The following FAF1 variants were observed in gnomAD, a reference collection of about 807,000 sequenced individuals.
The protein encoded by FAF1 is FAS-associated factor 1.
Under a neutral mutation model 92.5 loss-of-function variants are expected in FAF1, and 25 were observed. The ratio of observed to expected loss-of-function variants is 0.27; its 90% CI spans 0.20 to 0.38. FAF1 has a LOEUF of 0.38. Among genes scored for constraint, FAF1 ranks in the 10% least tolerant of loss-of-function variants. The pLI is 1.00. For missense variants in FAF1, 636 were observed against 793.3 expected (o/e 0.80, Z 2.38); for synonymous variants, 234 against 273.2 (o/e 0.86, Z 1.42).
chr1:50,861,776 A>G (rs536507659), intron 1 of FAF1, among the ~76,000 whole-genome samples: 1 of 152,012 alleles, frequency 6.6e-6, no homozygotes, highest in South Asian at 2.1e-4. Flanking sequence ...CAAGCTTGAA[A>G]GACTAGAAAG....
intron 3 of FAF1, among the ~76,000 whole-genome samples, chr1:50,798,331 A>G (rs1661842590): frequency 6.6e-6 from 1 of 152,250 alleles, no homozygotes; most frequent in African/African-American, 2.4e-5. Context: ...TAATAAAACA[A>G]ATATGAGTTA....
chr1:50,490,690 A>G (rs766503340), intron 16 of FAF1, 25 bp from the exon 17 acceptor site: 2 of 1,414,334 alleles, frequency 1.4e-6, no homozygotes, highest in East Asian at 2.3e-5. Context: ...GAAAAGGAAC[A>G]AGCACTTAAC....
In FAF1 at chr1:50,681,674, A is replaced by ATTT. The variant is rs1211289812; in HGVS notation, c.657+24109_657+24111dup. The stretch of plus-strand genomic sequence containing the variant: ...AGGCATGTGCCAGCCTGTAATCCCT[A>ATTT]TTTTTTTTTTTTTTTGTATTTTTAG... On this transcript the variant is annotated intron_variant, in intron 7 of 18. Transcript: ENST00000396153. Among the ~76,000 whole-genome samples, 981 of 131,974 alleles carry ATTT rather than the reference A, an allele frequency of 7.4e-3. 12 individuals are homozygous for ATTT. Among genetic ancestry groups the ATTT allele is most frequent in the African/African-American group, 0.026 (944 of 36,220 alleles). The allele number at this position is 131,974 out of a possible 152,430, so 86.6% of individuals were successfully genotyped here.
At chr1:50,585,796 A>T (rs1230282957) in intron 9 of FAF1, among the ~76,000 whole-genome samples, 1 of 151,920 alleles carries the variant, frequency 6.6e-6, no homozygotes, top group Non-Finnish European at 1.5e-5. Context: ...TATAACATAA[A>T]TATTTTGCCA....
chr1:50,746,369 T>A (rs1311841238), intron 4 of FAF1, among the ~76,000 whole-genome samples: 1 of 140,004 alleles, frequency 7.1e-6, no homozygotes, highest in Non-Finnish European at 1.5e-5. Context: ...GACGGCGTGA[T>A]CTCTGCTCAC....
chr1:50,605,017 C>CTAT (rs1652310880), intron 8 of FAF1, among the ~76,000 whole-genome samples: 1 of 152,152 alleles, frequency 6.6e-6, no homozygotes, highest in Non-Finnish European at 1.5e-5. Context: ...TCACCTGATG[C>CTAT]TATTTTCCAC....
intron 2 of FAF1, among the ~76,000 whole-genome samples, chr1:50,845,992 G>T (rs989984984): frequency 1.3e-5 from 2 of 151,710 alleles, no homozygotes; most frequent in Non-Finnish European, 2.9e-5. Context: ...GGCGTGGTGG[G>T]GCACGCCTGT....
intron 2 of FAF1, among the ~76,000 whole-genome samples, chr1:50,838,121 G>C (rs1644225405): frequency 1.3e-5 from 2 of 151,972 alleles, no homozygotes; most frequent in Non-Finnish European, 2.9e-5. Flanking sequence ...AAATCATAAA[G>C]GCATGCACAG....
At chr1:50,620,624 C>T (rs956085896) in intron 8 of FAF1, among the ~76,000 whole-genome samples, 2 of 152,208 alleles carry the variant, frequency 1.3e-5, no homozygotes, top group African/African-American at 2.4e-5. Context: ...TAAGGGGACA[C>T]TGGCTTTTTC....
intron 15 of FAF1, among the ~76,000 whole-genome samples, chr1:50,507,024 C>T (rs564335965): frequency 1.5e-4 from 23 of 152,310 alleles, no homozygotes; most frequent in African/African-American, 5.5e-4. Flanking sequence ...GGGAAAATAG[C>T]TCTACCGAGG....
chr1:50,631,295 T>C (rs1191042937), intron 8 of FAF1, among the ~76,000 whole-genome samples: 1 of 152,212 alleles, frequency 6.6e-6, no homozygotes, highest in African/African-American at 2.4e-5. Flanking sequence ...ATGTTTTAAA[T>C]TGCATGCCAT....
chr1:50,617,700 T>G lies in FAF1; in HGVS notation c.745-21484A>C, dbSNP rs1009491494. Among the ~76,000 whole-genome samples the G allele has an allele frequency of 1.3e-4, 19 of 151,522 alleles. No homozygotes were observed. In the East Asian group the frequency reaches 1.5e-3, roughly 12 times the overall value. ...AGGAGTCCCTCCTCTTCTGTTTTTT[T>G]TTTTTTTTTTTTAATAATTTCAGTA... On this transcript the variant is annotated intron_variant, in intron 8 of 18. Coordinates refer to ENST00000396153, the MANE Select transcript of FAF1 (RefSeq NM_007051.3).
chr1:50,930,694 G>A (rs1415002178), intron 1 of FAF1, among the ~76,000 whole-genome samples: 1 of 152,110 alleles, frequency 6.6e-6, no homozygotes, highest in Non-Finnish European at 1.5e-5. Context: ...AATTAGCCAG[G>A]CATGGTGGCG....
intron 2 of FAF1, among the ~76,000 whole-genome samples, chr1:50,853,974 G>A (rs925909486): frequency 6.6e-6 from 1 of 152,000 alleles, no homozygotes; most frequent in Non-Finnish European, 1.5e-5. Context: ...GGAAGCTTGA[G>A]TATAATCTAG....
chr1:50,482,831 C>T (rs1181628577), intron 17 of FAF1, among the ~76,000 whole-genome samples: 2 of 152,074 alleles, frequency 1.3e-5, no homozygotes, highest in African/African-American at 2.4e-5. Context: ...AAATATTTTG[C>T]TCATTTTAAT....
At chr1:50,443,906 G>GC (rs1464314797) in intron 18 of FAF1, among the ~76,000 whole-genome samples, 1 of 151,936 alleles carries the variant, frequency 6.6e-6, no homozygotes, top group South Asian at 2.1e-4. Flanking sequence ...CAGCAAGAGT[G>GC]CCCCCCCTTT....
chr1:50,907,029 C>T (rs750001712), intron 1 of FAF1, among the ~76,000 whole-genome samples: 1 of 152,104 alleles, frequency 6.6e-6, no homozygotes, highest in Non-Finnish European at 1.5e-5. Context: ...TCATAAATAG[C>T]TCTTATTATC....
intron 1 of FAF1, among the ~76,000 whole-genome samples, chr1:50,890,552 G>A (rs1390201156): frequency 6.6e-6 from 1 of 152,260 alleles, no homozygotes; most frequent in South Asian, 2.1e-4. Flanking sequence ...TGTAGAGCAG[G>A]CTTGGTGGTG....
At chr1:50,529,860 A>G (rs1253583017) in intron 15 of FAF1, among the ~76,000 whole-genome samples, 1 of 152,216 alleles carries the variant, frequency 6.6e-6, no homozygotes, top group African/African-American at 2.4e-5. Flanking sequence ...CTCAATAAAT[A>G]TTTATGAAAT....
Sources: gnomAD v4.1 joint callset for allele counts (sites outside exome capture counted in the v4.1 genomes callset) on GRCh38, gnomAD v4.1.1 for gene constraint, MANE v1.5 for transcripts, NCBI Gene and HGNC (gene_info 2026-07-23, HGNC 2026-07-21) for gene names.